Variants in CHIC1 observed in about 807,000 individuals in gnomAD.
CHIC1 encodes cysteine-rich hydrophobic domain-containing protein 1.
In CHIC1, 7 loss-of-function variants were observed where a neutral mutation model predicts 18.5. That is an observed-to-expected ratio of 0.38 (90% CI 0.22 to 0.71). The LOEUF is 0.71. Among genes scored for constraint, CHIC1 ranks in the 30% least tolerant of loss-of-function variants. The pLI, the probability that CHIC1 is intolerant of heterozygous loss-of-function variation, is 0.49. For synonymous variants in CHIC1, 77 were observed against 73.5 expected, an observed-to-expected ratio of 1.05 and a Z score of -0.25; for missense variants, 159 against 176.9, an observed-to-expected ratio of 0.90 and a Z score of 0.57.
chrX:73,665,063 A>G (rs1018182823), intron 3 of CHIC1, among the ~76,000 whole-genome samples: 6 of 112,367 alleles, frequency 5.3e-5, no homozygotes, highest in African/African-American at 1.9e-4. Context: ...TCAATTTTGC[A>G]TTAACAGGCA....
rs917755230 is a variant in CHIC1 at position 73,584,679 on chromosome X, T to G, written c.507+107T>G. ...GTACTTTACACAATTTAGTTAATTC[T>G]TGTAACAATGCTATCTTTATTTTAG... On this transcript the variant is annotated intron_variant, in intron 3 of 5. Transcript: ENST00000373502. 4 of 545,147 alleles carry G rather than the reference T, an allele frequency of 7.3e-6. No homozygotes were observed. The South Asian group carries it at 1.9e-4, about 26-fold the overall frequency. 44.9% of individuals were successfully genotyped at this position (545,147 alleles called of 1,213,427 possible).
chrX:73,611,449 T>C (rs947195294), intron 3 of CHIC1, among the ~76,000 whole-genome samples: 10 of 108,923 alleles, frequency 9.2e-5, no homozygotes, highest in Non-Finnish European at 1.7e-4. Flanking sequence ...TTCCAAGTCT[T>C]TGCTATTGTG....
chrX:73,567,188 T>C lies in CHIC1; in HGVS notation c.296+3608T>C, dbSNP rs775753689. On this transcript the variant is annotated intron_variant, in intron 1 of 5. Coordinates refer to ENST00000373502, the MANE Select transcript of CHIC1 (RefSeq NM_001039840.4). The stretch of plus-strand genomic sequence containing the variant: ...TCTCCCTAGATGGTCTCATCTTACC[T>C]CTCATAGATTCAGTTATCTCATGGC... Among the ~76,000 whole-genome samples, 3 of 110,631 alleles carry C rather than the reference T, an allele frequency of 2.7e-5. No homozygotes were observed. In the South Asian group the frequency reaches 1.2e-3, roughly 43 times the overall value.
At chrX:73,626,992 G>A (rs1043997083) in intron 3 of CHIC1, among the ~76,000 whole-genome samples, 1 of 110,488 alleles carries the variant, frequency 9.1e-6, no homozygotes, top group Non-Finnish European at 1.9e-5. Context: ...GATCTAAACT[G>A]TGTCTGCATA....
intron 1 of CHIC1, among the ~76,000 whole-genome samples, chrX:73,570,810 G>C (rs1337108583): frequency 1.8e-5 from 2 of 111,049 alleles, no homozygotes; most frequent in African/African-American, 6.5e-5. Context: ...AATTTTGGAA[G>C]AAGTATAGAG....
intron 4 of CHIC1, 59 bp downstream of exon 4, chrX:73,679,441 AAT>A (rs1245340220): frequency 1.2e-6 from 1 of 825,348 alleles, no homozygotes; most frequent in East Asian, 3.2e-5. Context: ...TAAATTGAAA[AAT>A]AAATACAAAA....
rs144490250 is a variant in CHIC1 at position 73,660,300 on chromosome X, C to G, written c.508-19026C>G. On this transcript the variant is annotated intron_variant, in intron 3 of 5. Coordinates refer to ENST00000373502, the MANE Select transcript of CHIC1 (RefSeq NM_001039840.4). ...ATGTAGTGTTACCTGGCACCTTAGTCCAATGTGTGCCATTAATGAGGGACC... is the reference window on the plus strand; with the variant it reads ...ATGTAGTGTTACCTGGCACCTTAGTGCAATGTGTGCCATTAATGAGGGACC... Among the ~76,000 whole-genome samples, 1,059 of 111,710 alleles carry G rather than the reference C, an allele frequency of 9.5e-3. 6 individuals are homozygous for G. The highest frequency in any genetic ancestry group is 0.034 in the African/African-American group (1,029 of 30,706).
At chrX:73,655,618 G>GCA (rs2057944333) in intron 3 of CHIC1, among the ~76,000 whole-genome samples, 4 of 64,250 alleles carry the variant, frequency 6.2e-5, no homozygotes, top group Non-Finnish European at 1.1e-4. Flanking sequence ...TATAGTGTGT[G>GCA]TATATATATA....
chrX:73,586,211 A>G (rs771752965), intron 3 of CHIC1, among the ~76,000 whole-genome samples: 21 of 111,601 alleles, frequency 1.9e-4, no homozygotes, highest in African/African-American at 6.5e-4. Context: ...GCTTCCTTTA[A>G]GTAGAACATA....
intron 3 of CHIC1, among the ~76,000 whole-genome samples, chrX:73,594,142 CTTTG>C (rs1238880186): frequency 8.9e-5 from 9 of 101,537 alleles, no homozygotes; most frequent in Admixed American, 2.1e-4. Context: ...AGGTGCTTTC[CTTTG>C]TTTTGTTTTG....
intron 3 of CHIC1, among the ~76,000 whole-genome samples, chrX:73,658,077 T>G (rs1488261742): frequency 1.8e-5 from 2 of 109,568 alleles, no homozygotes; most frequent in Admixed American, 2.0e-4. Flanking sequence ...TGAAGGTTTT[T>G]TTGTTGTTGT....
At chrX:73,638,718 C>T (rs1034702778) in intron 3 of CHIC1, among the ~76,000 whole-genome samples, 1 of 110,990 alleles carries the variant, frequency 9.0e-6, no homozygotes, top group African/African-American at 3.3e-5. Context: ...TCTGTTGTTT[C>T]CCTCTTTGTG....
intron 3 of CHIC1, among the ~76,000 whole-genome samples, chrX:73,622,788 A>G (rs1178010925): frequency 2.7e-5 from 3 of 111,703 alleles, no homozygotes; most frequent in African/African-American, 6.5e-5. Context: ...TAGACTGTCA[A>G]TTTTACATCT....
At chrX:73,627,142 A>G (rs1354228924) in intron 3 of CHIC1, among the ~76,000 whole-genome samples, 16 of 108,073 alleles carry the variant, frequency 1.5e-4, no homozygotes, top group African/African-American at 5.1e-4. Context: ...TCTCCCAAAA[A>G]AAAAAAAAAA....
chrX:73,658,373 G>A (rs68013417), intron 3 of CHIC1, among the ~76,000 whole-genome samples: 4,844 of 99,474 alleles, frequency 0.049, 316 homozygotes, highest in African/African-American at 0.16. Flanking sequence ...CTAGGAGGTT[G>A]TATGTGCCCA....
intron 3 of CHIC1, among the ~76,000 whole-genome samples, chrX:73,609,209 G>A (rs1470233070): frequency 1.9e-5 from 2 of 103,374 alleles, no homozygotes; most frequent in Non-Finnish European, 3.9e-5. Flanking sequence ...TTGCCTAATT[G>A]TCCTGGTGAG....
In CHIC1 at chrX:73,659,777, T is replaced by A. The variant is rs142487590; in HGVS notation, c.508-19549T>A. ...CATAGTGTAATTGTGACTGGAATTA[T>A]ATGTCCCATGCCAGGTGTTAAGGGA... On this transcript the variant is annotated intron_variant, in intron 3 of 5. Transcript: ENST00000373502. Among the ~76,000 whole-genome samples the A allele has an allele frequency of 9.4e-3, 1,045 of 111,464 alleles. 6 individuals carry two copies. Among genetic ancestry groups the A allele is most frequent in the African/African-American group, 0.033 (1,015 of 30,671 alleles).
intron 3 of CHIC1, among the ~76,000 whole-genome samples, chrX:73,652,949 A>G (rs1197193628): frequency 2.7e-5 from 3 of 112,091 alleles, no homozygotes; most frequent in Non-Finnish European, 5.6e-5. Flanking sequence ...TTGCAGTACT[A>G]TTCACAATAG....
intron 3 of CHIC1, among the ~76,000 whole-genome samples, chrX:73,674,779 T>C (rs1263927421): frequency 1.8e-5 from 2 of 109,544 alleles, no homozygotes; most frequent in African/African-American, 6.6e-5. Flanking sequence ...TCTGCTAGCT[T>C]TTGAATGTGT....
Sources: gnomAD v4.1 joint callset for allele counts (sites outside exome capture counted in the v4.1 genomes callset) on GRCh38, gnomAD v4.1.1 for gene constraint, MANE v1.5 for transcripts, NCBI Gene and HGNC (gene_info 2026-07-23, HGNC 2026-07-21) for gene names.